ANKIB1: variants seen among roughly 807,000 people sequenced by gnomAD.
The protein encoded by ANKIB1 is ankyrin repeat and IBR domain-containing protein 1.
A neutral mutation model predicts 122.1 loss-of-function variants in ANKIB1; 43 were observed. The observed-to-expected ratio is 0.35, with a 90% CI of 0.28 to 0.45. ANKIB1 has a LOEUF of 0.45. ANKIB1 is among the 20% of genes least tolerant of loss of function. The pLI, the probability that ANKIB1 is intolerant of heterozygous loss-of-function variation, is 1.00. For synonymous variants in ANKIB1, 390 were observed against 442.0 expected, an observed-to-expected ratio of 0.88 and a Z score of 1.48; for missense variants, 992 against 1,329.5, an observed-to-expected ratio of 0.75 and a Z score of 3.95.
At chr7:92,264,483 C>T (rs115899827) in intron 1 of ANKIB1, among the ~76,000 whole-genome samples, 2,317 of 152,042 alleles carry the variant, frequency 0.015, 53 homozygotes, top group African/African-American at 0.052. Flanking sequence ...CCACAACCTC[C>T]GCCTCCCAGC....
intron 1 of ANKIB1, among the ~76,000 whole-genome samples, chr7:92,287,831 C>T (rs866847920): frequency 1.3e-5 from 2 of 151,878 alleles, no homozygotes; most frequent in African/African-American, 2.4e-5. Context: ...GTCAAGAGAT[C>T]GAGACCATCC....
chr7:92,363,795 T>A (rs544554714), intron 10 of ANKIB1, among the ~76,000 whole-genome samples: 2 of 151,798 alleles, frequency 1.3e-5, no homozygotes, highest in East Asian at 4.2e-4. Flanking sequence ...TCTACGAGGG[T>A]CATTTTGTCC....
At chr7:92,367,104 A>G (rs1309929891) in intron 10 of ANKIB1, among the ~76,000 whole-genome samples, 1 of 152,222 alleles carries the variant, frequency 6.6e-6, no homozygotes, top group Non-Finnish European at 1.5e-5. Context: ...ATACATGGTT[A>G]CTTCTAGGGA....
chr7:92,395,718 T>C (rs1006998415), intron 17 of ANKIB1, among the ~76,000 whole-genome samples: 3 of 151,970 alleles, frequency 2.0e-5, no homozygotes, highest in Admixed American at 2.0e-4. Context: ...TTTGTATTTT[T>C]AGTAGAGATG....
intron 4 of ANKIB1, among the ~76,000 whole-genome samples, chr7:92,321,867 A>G (rs796718487): frequency 1.8e-4 from 28 of 152,346 alleles, no homozygotes; most frequent in African/African-American, 6.3e-4. Context: ...TTAAGTACAC[A>G]TAGAAAGACA....
intron 2 of ANKIB1, among the ~76,000 whole-genome samples, chr7:92,297,165 A>G (rs546334708): frequency 1.8e-4 from 28 of 152,326 alleles, no homozygotes; most frequent in Non-Finnish European, 3.8e-4. Flanking sequence ...TGTATTTTAT[A>G]GGTGAGAAAA....
At chr7:92,336,901 A>G (rs1020668103) in intron 5 of ANKIB1, among the ~76,000 whole-genome samples, 20 of 152,142 alleles carry the variant, frequency 1.3e-4, no homozygotes, top group Non-Finnish European at 2.4e-4. Context: ...TGTAGCTGTT[A>G]TCTGTAGGAG....
intron 1 of ANKIB1, among the ~76,000 whole-genome samples, chr7:92,267,694 T>A (rs1032334905): frequency 6.6e-6 from 1 of 152,204 alleles, no homozygotes; most frequent in African/African-American, 2.4e-5. Context: ...GGGTTTTGGG[T>A]AGAGTTCAAG....
chr7:92,300,361 T>G (rs1802436425), intron 2 of ANKIB1, among the ~76,000 whole-genome samples: 1 of 152,214 alleles, frequency 6.6e-6, no homozygotes, highest in Non-Finnish European at 1.5e-5. Context: ...GGATATTTTC[T>G]TTTTTCTTTT....
chr7:92,325,108 C>G (rs1803000163), intron 4 of ANKIB1, among the ~76,000 whole-genome samples: 1 of 152,026 alleles, frequency 6.6e-6, no homozygotes, highest in South Asian at 2.1e-4. Context: ...AGTATTAGAC[C>G]TAGGTTGGGG....
In ANKIB1 at chr7:92,336,151, G is replaced by A. The variant is rs6946462; in HGVS notation, c.788-6873G>A. Among the ~76,000 whole-genome samples, 328 of 152,064 alleles carry A rather than the reference G, an allele frequency of 2.2e-3. 1 individual carries two copies. The highest frequency in any genetic ancestry group is 7.3e-3 in the African/African-American group (303 of 41,504). Reference sequence around the variant, plus strand: ...TAATTTTTGCTTTAATCAGCCATATGTATTTTAAATAAACTATCTTTTTTC... The same window carrying A: ...TAATTTTTGCTTTAATCAGCCATATATATTTTAAATAAACTATCTTTTTTC... On this transcript the variant is annotated intron_variant, in intron 5 of 19. Coordinates refer to ENST00000265742, the MANE Select transcript of ANKIB1 (RefSeq NM_019004.2).
At chr7:92,319,696 G>A (rs939575934) in intron 4 of ANKIB1, 184 bp downstream of exon 4, 16 of 591,752 alleles carry the variant, frequency 2.7e-5, no homozygotes, top group East Asian at 2.0e-4. Flanking sequence ...GCTCATGCCT[G>A]TAGTTCCAGT....
chr7:92,365,253 G>A (rs921581748), intron 10 of ANKIB1, among the ~76,000 whole-genome samples: 8 of 152,116 alleles, frequency 5.3e-5, no homozygotes, highest in African/African-American at 1.9e-4. Context: ...TTTTAGGGGA[G>A]GGGAAGGACA....
chr7:92,291,567 CTT>C (rs1188174295), intron 1 of ANKIB1, among the ~76,000 whole-genome samples: 5 of 116,514 alleles, frequency 4.3e-5, no homozygotes, highest in Admixed American at 9.0e-5. Flanking sequence ...TTTTCTTTTT[CTT>C]TTTTTTTTTT....
chr7:92,371,421 C>A lies in ANKIB1; in HGVS notation c.1487-56C>A, dbSNP rs544470406. 42 of 1,496,694 alleles carry A rather than the reference C, an allele frequency of 2.8e-5. 1 individual carries two copies. In the South Asian group the frequency reaches 4.7e-4, roughly 17 times the overall value. The allele number at this position is 1,496,694 out of a possible 1,614,324, so 92.7% of individuals were successfully genotyped here. ...AAAAGTGTGGAGGGTTTTTTTTTCC[C>A]CCAGAAGTTGTACACTAAATCATTT... On this transcript the variant is annotated intron_variant, in intron 10 of 19. Coordinates refer to ENST00000265742, the MANE Select transcript of ANKIB1 (RefSeq NM_019004.2).
chr7:92,249,029 A>G (rs1305887920), intron 1 of ANKIB1, among the ~76,000 whole-genome samples: 1 of 151,868 alleles, frequency 6.6e-6, no homozygotes, highest in Non-Finnish European at 1.5e-5. Flanking sequence ...CTGGGACTAC[A>G]GGTGCCCGCC....
In ANKIB1 at chr7:92,389,957, C is replaced by T; in HGVS notation, c.1907-14C>T. The T allele has an allele frequency of 6.3e-7, 1 of 1,575,300 alleles. No individual in the cohort carries two copies. Among genetic ancestry groups the T allele is most frequent in the Non-Finnish European group, 8.6e-7 (1 of 1,168,188 alleles). On this transcript the variant is annotated splice_polypyrimidine_tract_variant and intron_variant, in intron 14 of 19. Transcript: ENST00000265742. ...TTGCAAAAACAAATTCACTGTGCCTCAATTACTTTTTAGCTGAAGGAGGCT... is the reference window on the plus strand; with the variant it reads ...TTGCAAAAACAAATTCACTGTGCCTTAATTACTTTTTAGCTGAAGGAGGCT...
chr7:92,261,492 T>C (rs563245426), intron 1 of ANKIB1, among the ~76,000 whole-genome samples: 1 of 152,342 alleles, frequency 6.6e-6, no homozygotes, highest in Non-Finnish European at 1.5e-5. Context: ...TATTAATTGC[T>C]ATTGACTGCA....
rs774095319 is a variant in ANKIB1, at chr7:92,359,078, GT to G, written c.1398-3098del. 2.1e-3 allele frequency among the ~76,000 whole-genome samples: 321 copies of G among 151,312 alleles called. 3 individuals carry two copies. The highest frequency in any genetic ancestry group is 3.6e-3 in the Non-Finnish European group (244 of 67,726). On this transcript the variant is annotated intron_variant, in intron 9 of 19. Coordinates refer to ENST00000265742, the MANE Select transcript of ANKIB1 (RefSeq NM_019004.2). The stretch of plus-strand genomic sequence containing the variant: ...CACTAAAGTGAATCTAACGTATCCA[GT>G]TTTTTTTTCGTACTTAAGTTCTGTT...
Sources: gnomAD v4.1 joint callset for allele counts (sites outside exome capture counted in the v4.1 genomes callset) on GRCh38, gnomAD v4.1.1 for gene constraint, MANE v1.5 for transcripts, NCBI Gene and HGNC (gene_info 2026-07-23, HGNC 2026-07-21) for gene names.